ZFPM1: variants seen among roughly 807,000 people sequenced by gnomAD.
ZFPM1 encodes zinc finger protein ZFPM1.
A neutral mutation model predicts 46.3 loss-of-function variants in ZFPM1; 28 were observed. That is an observed-to-expected ratio of 0.60 (90% CI 0.45 to 0.83). The LOEUF (loss-of-function observed/expected upper bound fraction) is 0.83. Among genes scored for constraint, ZFPM1 ranks in the 40% least tolerant of loss-of-function variants. ZFPM1 has a pLI of 0.00. For synonymous variants in ZFPM1, 957 were observed against 675.9 expected, an observed-to-expected ratio of 1.42 and a Z score of -6.45; for missense variants, 1,878 against 1,432.4, an observed-to-expected ratio of 1.31 and a Z score of -5.02.
At chr16:88,520,923 C>T (rs1213299817) in intron 4 of ZFPM1, among the ~76,000 whole-genome samples, 1 of 55,290 alleles carries the variant, frequency 1.8e-5, no homozygotes, top group Non-Finnish European at 3.3e-5. Flanking sequence ...ATGGATGATT[C>T]GGTGGGTGGG....
chr16:88,507,026 C>A (rs995920793), intron 3 of ZFPM1, among the ~76,000 whole-genome samples: 22 of 152,196 alleles, frequency 1.4e-4, no homozygotes, highest in Admixed American at 9.2e-4. Context: ...TTCCAGGTGG[C>A]CTTCTGCCTG....
intron 1 of ZFPM1, among the ~76,000 whole-genome samples, chr16:88,463,094 CT>C (rs1907973570): frequency 6.6e-6 from 1 of 152,220 alleles, no homozygotes; most frequent in South Asian, 2.1e-4. Flanking sequence ...CCCAACTTCC[CT>C]TTTTTCCATC....
At chr16:88,524,029 G>C (rs1912117928) in intron 4 of ZFPM1, among the ~76,000 whole-genome samples, 2 of 152,262 alleles carry the variant, frequency 1.3e-5, no homozygotes, top group Admixed American at 6.5e-5. Context: ...GGAACACGCT[G>C]CTCCTGGGAG....
chr16:88,495,515 G>C (rs1242757313), intron 3 of ZFPM1, among the ~76,000 whole-genome samples: 2 of 152,234 alleles, frequency 1.3e-5, no homozygotes, highest in East Asian at 3.9e-4. Flanking sequence ...CTGGTCTGCT[G>C]GGTGGGCAGA....
chr16:88,534,502 G>C lies in ZFPM1; in HGVS notation c.2544G>C (p.Ala848=). The C allele has an allele frequency of 6.9e-7, 1 of 1,455,680 alleles. No individual in the cohort carries two copies. The highest frequency in any genetic ancestry group is 1.5e-5 in the African/African-American group (1 of 67,072). The allele number at this position is 1,455,680 out of a possible 1,614,324, so 90.2% of individuals were successfully genotyped here. ...GCCCCGCTGCGCCACCGCCCGGCGC[G>C]CTCGGCCTGCCCGCCGCCGCCTGCC... The part of the protein sequence containing the change: ...YSCPAAPPPG[A]LGLPAAACPY... Residue 848 remains alanine, a synonymous_variant, in exon 10 of 10, where the codon GCG becomes GCC. Coordinates refer to ENST00000319555, the MANE Select transcript of ZFPM1 (RefSeq NM_153813.3).
At chr16:88,511,121 G>T (rs1213599405) in intron 3 of ZFPM1, among the ~76,000 whole-genome samples, 3 of 152,198 alleles carry the variant, frequency 2.0e-5, no homozygotes, top group African/African-American at 7.2e-5. Context: ...AGGCTGGCAG[G>T]GAAGGACACC....
At chr16:88,451,831 T>G (rs1036739925), upstream of ZFPM1, among the ~76,000 whole-genome samples, 2 of 151,884 alleles carry the variant, frequency 1.3e-5, no homozygotes, top group African/African-American at 4.8e-5. Flanking sequence ...GGCCTCCTGG[T>G]CTCAGTGTTC....
intron 1 of ZFPM1, among the ~76,000 whole-genome samples, chr16:88,458,030 C>T (rs1907634889): frequency 6.6e-6 from 1 of 152,206 alleles, no homozygotes. Context: ...CTGTGCCAGG[C>T]TGTGTATTAA....
rs995871590 is a variant in ZFPM1, at chr16:88,471,100, C to T, written c.41-14839C>T. On this transcript the variant is annotated intron_variant, in intron 1 of 9. Transcript: ENST00000319555. The surrounding 1 kb of genome is among the most constrained non-coding windows in gnomAD (Gnocchi z 4.1). The stretch of plus-strand genomic sequence containing the variant: ...GCCCAGAGGCTGCCTTCTGAAGGAG[C>T]GAGGGGGCCGGGAGGAGGAAAGCCC... Among the ~76,000 whole-genome samples the T allele has an allele frequency of 3.9e-5, 6 of 151,984 alleles. No homozygotes were observed. The highest frequency in any genetic ancestry group is 7.4e-5 in the Non-Finnish European group (5 of 67,980).
intron 3 of ZFPM1, among the ~76,000 whole-genome samples, chr16:88,510,902 T>A (rs1394817928): frequency 6.6e-6 from 1 of 152,244 alleles, no homozygotes; most frequent in Non-Finnish European, 1.5e-5. Context: ...CAAGTCCTGC[T>A]GGGCCTGGCT....
intron 7 of ZFPM1, 73 bp from the exon 8 acceptor site, chr16:88,532,541 G>A (rs535744688): frequency 1.4e-6 from 2 of 1,472,170 alleles, no homozygotes; most frequent in African/African-American, 2.8e-5. Flanking sequence ...CCTGGGCCCA[G>A]TCGCCTTCCT....
At chr16:88,474,385 C>T (rs567730622) in intron 1 of ZFPM1, among the ~76,000 whole-genome samples, 2 of 152,146 alleles carry the variant, frequency 1.3e-5, no homozygotes, top group Admixed American at 6.5e-5. Flanking sequence ...AGCAGCTGCC[C>T]GGCCAGGGTT....
intron 3 of ZFPM1, among the ~76,000 whole-genome samples, chr16:88,491,609 T>C (rs982655069): frequency 7.2e-5 from 11 of 152,100 alleles, no homozygotes; most frequent in Admixed American, 4.6e-4. Context: ...CCTCCTGTTC[T>C]CCAGACGGAG....
At chr16:88,479,921 G>A (rs974573656) in intron 1 of ZFPM1, among the ~76,000 whole-genome samples, 6 of 127,850 alleles carry the variant, frequency 4.7e-5, no homozygotes, top group African/African-American at 8.6e-5. Flanking sequence ...CACACCCCCC[G>A]CCGAAGGAGG....
rs1263396733 is a variant in ZFPM1, at chr16:88,497,938, C to T, written c.268+8785C>T. ...GGCGGGGGCCCGGCCTGATGGACAG[C>T]AGGGAGATGGGCCGATAGGCGACTG... is the stretch of plus-strand genomic sequence containing the variant. On this transcript the variant is annotated intron_variant, in intron 3 of 9. Coordinates refer to ENST00000319555, the MANE Select transcript of ZFPM1 (RefSeq NM_153813.3). The surrounding 1 kb of genome is among the most constrained non-coding windows in gnomAD (Gnocchi z 5.4). Among the ~76,000 whole-genome samples the T allele has an allele frequency of 6.6e-6, 1 of 152,226 alleles. No homozygotes were observed. Among genetic ancestry groups the T allele is most frequent in the Non-Finnish European group, 1.5e-5 (1 of 68,024 alleles).
chr16:88,497,470 GGC>G lies in ZFPM1; in HGVS notation c.268+8318_268+8319del. Among the ~76,000 whole-genome samples the G allele has an allele frequency of 7.1e-6, 1 of 141,148 alleles. No individual in the cohort carries two copies. Among genetic ancestry groups the G allele is most frequent in the African/African-American group, 2.7e-5 (1 of 37,722 alleles). 92.6% of individuals were successfully genotyped at this position (141,148 alleles called of 152,430 possible). Reference sequence around the variant, plus strand: ...ATGGGGTTCAGAGGGGTCAGGGTGGGGCTCAGGGCCCGGGCGGGGATGGGGTT... The same window carrying G: ...ATGGGGTTCAGAGGGGTCAGGGTGGGTCAGGGCCCGGGCGGGGATGGGGTT... On this transcript the variant is annotated intron_variant, in intron 3 of 9. Transcript: ENST00000319555. This position sits in a 1 kb window ranked among gnomAD's most constrained non-coding sequence, Gnocchi z 5.4.
chr16:88,514,711 G>A (rs1420161206), intron 4 of ZFPM1, among the ~76,000 whole-genome samples, 191 bp downstream of exon 4: 3 of 152,178 alleles, frequency 2.0e-5, no homozygotes, highest in Non-Finnish European at 4.4e-5. Context: ...CCTGTAGGAG[G>A]TGATATGGGG....
chr16:88,510,188 A>G (rs372479829), intron 3 of ZFPM1, among the ~76,000 whole-genome samples: 1 of 152,188 alleles, frequency 6.6e-6, no homozygotes, highest in South Asian at 2.1e-4. Flanking sequence ...ACTGAGGCTC[A>G]GAGCACACAC....
intron 3 of ZFPM1, among the ~76,000 whole-genome samples, chr16:88,503,831 C>G (rs948500735): frequency 1.3e-5 from 2 of 152,198 alleles, no homozygotes; most frequent in African/African-American, 4.8e-5. Context: ...TCTTGGGCTC[C>G]CGAGGCCTCA....
Sources: allele counts gnomAD v4.1 joint callset (sites outside exome capture counted in the v4.1 genomes callset), GRCh38; gene constraint gnomAD v4.1.1; non-coding constraint Gnocchi (gnomAD v3.1); transcripts MANE v1.5; gene names NCBI Gene and HGNC (gene_info 2026-07-23, HGNC 2026-07-21).